Variants in ALCAM observed in about 807,000 individuals in gnomAD.
The protein encoded by ALCAM is activated leukocyte cell adhesion molecule.
Under a neutral mutation model 70.9 loss-of-function variants are expected in ALCAM, and 30 were observed. The ratio of observed to expected loss-of-function variants is 0.42; its 90% CI spans 0.32 to 0.57. The LOEUF (loss-of-function observed/expected upper bound fraction) is 0.57. Ranked by LOEUF, ALCAM falls within the 20% of genes least tolerant of loss-of-function variation. The probability of loss-of-function intolerance (pLI) is 0.11; values close to 1 mark genes in which losing one functional copy is unlikely to be tolerated. For synonymous variants in ALCAM, 249 were observed against 242.5 expected (o/e 1.03, Z -0.25); for missense variants, 591 against 695.1 (o/e 0.85, Z 1.68).
At chr3:105,521,162 G>A (rs1381567843) in intron 2 of ALCAM, among the ~76,000 whole-genome samples, 4 of 150,696 alleles carry the variant, frequency 2.7e-5, no homozygotes, top group East Asian at 1.9e-4. Flanking sequence ...TTAGCCGGGC[G>A]CGGTGGCGGG....
At chr3:105,406,754 TG>T (rs1269986466) in intron 1 of ALCAM, among the ~76,000 whole-genome samples, 2 of 141,354 alleles carry the variant, frequency 1.4e-5, no homozygotes, top group South Asian at 2.2e-4. Flanking sequence ...AAAAGATAAA[TG>T]AAAAAAAAAA....
At chr3:105,381,638 G>A (rs1156871287) in intron 1 of ALCAM, among the ~76,000 whole-genome samples, 2 of 151,810 alleles carry the variant, frequency 1.3e-5, no homozygotes, top group Non-Finnish European at 2.9e-5. Flanking sequence ...GTGTCTAAAA[G>A]CAATTGTTTT....
At chr3:105,517,156 C>G (rs541771202) in intron 1 of ALCAM, among the ~76,000 whole-genome samples, 3 of 152,028 alleles carry the variant, frequency 2.0e-5, no homozygotes, top group Non-Finnish European at 2.9e-5. Flanking sequence ...CCCTAGGGGG[C>G]GCGAGATGTT....
At chr3:105,372,915 C>A (rs1181908110) in intron 1 of ALCAM, among the ~76,000 whole-genome samples, 1 of 152,100 alleles carries the variant, frequency 6.6e-6, no homozygotes, top group Non-Finnish European at 1.5e-5. Flanking sequence ...TGTTCATTCA[C>A]AGGAAAACAT....
chr3:105,385,510 C>G (rs1935628798), intron 1 of ALCAM, among the ~76,000 whole-genome samples: 1 of 151,572 alleles, frequency 6.6e-6, no homozygotes. Context: ...AATAAATTTT[C>G]TTTACTGCTT....
At chr3:105,421,231 TCAC>T (rs1936643943) in intron 1 of ALCAM, among the ~76,000 whole-genome samples, 1 of 151,366 alleles carries the variant, frequency 6.6e-6, no homozygotes, top group South Asian at 2.1e-4. Flanking sequence ...CAGTTAATAA[TCAC>T]CACCAATTGT....
intron 1 of ALCAM, among the ~76,000 whole-genome samples, chr3:105,436,290 GGA>G (rs1407850944): frequency 6.6e-6 from 1 of 151,970 alleles, no homozygotes; most frequent in Non-Finnish European, 1.5e-5. Flanking sequence ...AGGATGGCAG[GGA>G]TTAAAATCCA....
intron 14 of ALCAM, among the ~76,000 whole-genome samples, chr3:105,557,656 T>C (rs1369043430): frequency 1.3e-5 from 2 of 152,186 alleles, no homozygotes; most frequent in East Asian, 3.9e-4. Flanking sequence ...TTTTGAGCTG[T>C]GATGCTGAGT....
intron 1 of ALCAM, among the ~76,000 whole-genome samples, chr3:105,500,560 T>C (rs897038905): frequency 1.3e-5 from 2 of 152,236 alleles, no homozygotes; most frequent in African/African-American, 4.8e-5. Context: ...ATATATTATC[T>C]CCATTTCATA....
At chr3:105,481,198 G>A (rs933089784) in intron 1 of ALCAM, among the ~76,000 whole-genome samples, 1 of 151,994 alleles carries the variant, frequency 6.6e-6, no homozygotes, top group South Asian at 2.1e-4. Flanking sequence ...GCTTAATGGG[G>A]CTAATAAAGC....
Position 105,550,143 on chromosome 3 carries a change from A to T in ALCAM, c.1391A>T (p.Tyr464Phe). 1.3e-6 allele frequency: 2 copies of T among 1,592,726 alleles called. No individual in the cohort carries two copies. The highest frequency in any genetic ancestry group is 1.7e-6 in the Non-Finnish European group (2 of 1,164,512). The change falls in exon 12 of 16, where the codon TAT becomes TTT. Residue 464 changes from tyrosine to phenylalanine, a missense_variant. Physicochemically the swap from Tyr to Phe is conservative, Grantham distance 22. Transcript: ENST00000306107. ...TTTTTCCAGACAGAGGAATCTCCTT[A>T]TATTAATGGCAGGTATTATAGTAAA... is the stretch of plus-strand genomic sequence containing the variant. ...SVINQTEESP[Y>F]INGRYYSKII...
chr3:105,393,171 T>C (rs962932599), intron 1 of ALCAM, among the ~76,000 whole-genome samples: 3 of 151,818 alleles, frequency 2.0e-5, no homozygotes, highest in Non-Finnish European at 4.4e-5. Flanking sequence ...AAAATGATCT[T>C]TCATTTTTAT....
intron 1 of ALCAM, among the ~76,000 whole-genome samples, chr3:105,376,463 A>G (rs902240396): frequency 2.6e-5 from 4 of 152,228 alleles, no homozygotes; most frequent in Non-Finnish European, 5.9e-5. Context: ...ACTCATGTCA[A>G]TTGATCATTC....
At chr3:105,455,645 G>A (rs1471210236) in intron 1 of ALCAM, among the ~76,000 whole-genome samples, 1 of 152,182 alleles carries the variant, frequency 6.6e-6, no homozygotes, top group African/African-American at 2.4e-5. Flanking sequence ...GGCGGAAGTA[G>A]CTTTCCTGAA....
intron 1 of ALCAM, among the ~76,000 whole-genome samples, chr3:105,514,841 T>C (rs1373936122): frequency 6.6e-6 from 1 of 151,964 alleles, no homozygotes; most frequent in Non-Finnish European, 1.5e-5. Flanking sequence ...ATGCAGAAAA[T>C]GAATTTTGAA....
At chr3:105,532,184 A>C (rs1386785370) in intron 4 of ALCAM, 118 bp downstream of exon 4, 1 of 838,310 alleles carries the variant, frequency 1.2e-6, no homozygotes, top group East Asian at 2.5e-5. Context: ...ACAGTGTTGC[A>C]GCTACCAATC....
Position 105,492,911 on chromosome 3 carries a change from A to G in ALCAM, c.74-27156A>G, listed in dbSNP as rs1437065073. 1.3e-5 allele frequency among the ~76,000 whole-genome samples: 2 copies of G among 152,234 alleles called. 1 individual carries two copies. The highest frequency in any genetic ancestry group is 3.8e-4 in the East Asian group (2 of 5,200). ...TTAATATAGTTTAGCCATTATAAGC[A>G]TTCTACCTAATGAATTTTTAAGAGC... On this transcript the variant is annotated intron_variant, in intron 1 of 15. Coordinates refer to ENST00000306107, the MANE Select transcript of ALCAM (RefSeq NM_001627.4).
chr3:105,443,619 A>G (rs899246227), intron 1 of ALCAM, among the ~76,000 whole-genome samples: 12 of 152,238 alleles, frequency 7.9e-5, no homozygotes, highest in African/African-American at 2.9e-4. Context: ...TTTCTTTTAA[A>G]TTATAATAAA....
At chr3:105,510,268 C>G (rs528306024) in intron 1 of ALCAM, among the ~76,000 whole-genome samples, 1 of 152,132 alleles carries the variant, frequency 6.6e-6, no homozygotes, top group Non-Finnish European at 1.5e-5. Flanking sequence ...GAAGGTTCAT[C>G]AGGGAATCGG....
Sources: gnomAD v4.1 joint callset for allele counts (sites outside exome capture counted in the v4.1 genomes callset) on GRCh38, gnomAD v4.1.1 for gene constraint, MANE v1.5 for transcripts, NCBI Gene and HGNC (gene_info 2026-07-23, HGNC 2026-07-21) for gene names.